PMS1: variants seen among roughly 807,000 people sequenced by gnomAD.
PMS1 encodes PMS1 protein homolog 1.
A neutral mutation model predicts 93.1 loss-of-function variants in PMS1; 79 were observed. The ratio of observed to expected loss-of-function variants is 0.85; its 90% confidence interval spans 0.71 to 1.02. The LOEUF is 1.02. Ranked by LOEUF, PMS1 falls within the 50% of genes least tolerant of loss-of-function variation. The pLI is 0.00. For synonymous variants in PMS1, 335 were observed against 363.4 expected (o/e 0.92, Z 0.89); for missense variants, 1,064 against 1,085.3 (o/e 0.98, Z 0.28).
intron 9 of PMS1, among the ~76,000 whole-genome samples, chr2:189,861,686 G>C (rs535387476): frequency 5.8e-4 from 87 of 150,876 alleles, no homozygotes; most frequent in Non-Finnish European, 8.7e-4. Flanking sequence ...GGAGGCAGAG[G>C]TTGCAGTGAG....
chr2:189,857,410 A>C (rs1484062494), intron 9 of PMS1: 1 of 455,672 alleles, frequency 2.2e-6, no homozygotes, highest in African/African-American at 2.0e-5. Context: ...GAGAAGGTAG[A>C]GCAAAAATGA....
At chr2:189,818,338 A>G (rs2051507322) in intron 5 of PMS1, among the ~76,000 whole-genome samples, 158 bp downstream of exon 5, 2 of 152,176 alleles carry the variant, frequency 1.3e-5, no homozygotes, top group African/African-American at 4.8e-5. Flanking sequence ...TTATTAGGGC[A>G]TGGGGCCTTT....
intron 1 of PMS1, among the ~76,000 whole-genome samples, chr2:189,786,666 C>T (rs5742948): frequency 2.4e-4 from 36 of 152,188 alleles, no homozygotes; most frequent in African/African-American, 5.1e-4. Context: ...TGATAGAATA[C>T]GTAGAGTTGT....
At chr2:189,869,742 A>G (rs2056975379) in intron 11 of PMS1, among the ~76,000 whole-genome samples, 2 of 151,568 alleles carry the variant, frequency 1.3e-5, no homozygotes, top group South Asian at 4.2e-4. Context: ...GCTTGAACCC[A>G]GGAGGTGGAG....
chr2:189,857,615 A>C, intron 9 of PMS1: 1 of 380,024 alleles, frequency 2.6e-6, no homozygotes, highest in African/African-American at 2.2e-5. Context: ...TCTTCTCTCG[A>C]TTCCTCCTTT....
intron 5 of PMS1, among the ~76,000 whole-genome samples, chr2:189,835,119 G>C (rs933057119): frequency 6.6e-6 from 1 of 152,126 alleles, no homozygotes; most frequent in Non-Finnish European, 1.5e-5. Flanking sequence ...CATCTGCCTA[G>C]CTCCTATAAA....
chr2:189,844,482 A>G (rs1204755363), intron 6 of PMS1, among the ~76,000 whole-genome samples: 1 of 151,960 alleles, frequency 6.6e-6, no homozygotes, highest in African/African-American at 2.4e-5. Flanking sequence ...TGTCTCTACT[A>G]AAAATACAAA....
intron 2 of PMS1, among the ~76,000 whole-genome samples, chr2:189,794,749 A>T (rs910881300): frequency 2.0e-5 from 3 of 152,098 alleles, no homozygotes; most frequent in African/African-American, 7.2e-5. Flanking sequence ...TGTTTTTGTT[A>T]TATATGTATA....
chr2:189,839,661 A>G (rs553522427), intron 5 of PMS1, among the ~76,000 whole-genome samples: 1 of 152,192 alleles, frequency 6.6e-6, no homozygotes, highest in Non-Finnish European at 1.5e-5. Flanking sequence ...TTCTTCTATG[A>G]TGCTCCCACT....
At chr2:189,825,810 G>C (rs926744807) in intron 5 of PMS1, among the ~76,000 whole-genome samples, 4 of 152,136 alleles carry the variant, frequency 2.6e-5, no homozygotes, top group Admixed American at 2.0e-4. Flanking sequence ...GAGCATTAAG[G>C]CTTATTGAGA....
chr2:189,806,029 C>A, intron 4 of PMS1: 2 of 969,748 alleles, frequency 2.1e-6, no homozygotes, highest in East Asian at 2.8e-5. Flanking sequence ...TTTACCAGTG[C>A]TGGATTACCA....
In PMS1 at chr2:189,845,592, C is replaced by G. The variant is rs543913031; in HGVS notation, c.699+1512C>G. Among the ~76,000 whole-genome samples the G allele has an allele frequency of 1.6e-4, 25 of 151,804 alleles. No homozygotes were observed. In the East Asian group the frequency reaches 4.8e-3, roughly 29 times the overall value. ...CTTTTTGAAGTCATTGTTCTTAGAC[C>G]CCACTTATTTCTTATTTGGATCATA... On this transcript the variant is annotated intron_variant, in intron 6 of 12. Coordinates refer to ENST00000441310, the MANE Select transcript of PMS1 (RefSeq NM_000534.5).
At chr2:189,818,739 G>A (rs1401312670) in intron 5 of PMS1, among the ~76,000 whole-genome samples, 1 of 152,106 alleles carries the variant, frequency 6.6e-6, no homozygotes, top group Admixed American at 6.6e-5. Flanking sequence ...TGAAATCAGG[G>A]ATTCCCCCAG....
At chr2:189,792,040 C>T (rs2106214019) in intron 2 of PMS1, 99 bp downstream of exon 2, 1 of 1,033,108 alleles carries the variant, frequency 9.7e-7, no homozygotes, top group Non-Finnish European at 1.5e-6. Flanking sequence ...TTTCTTTACA[C>T]CAATAAATTA....
chr2:189,852,592 T>C, intron 6 of PMS1, 63 bp from the exon 7 acceptor site: 3 of 1,440,348 alleles, frequency 2.1e-6, no homozygotes, highest in Non-Finnish European at 2.9e-6. Flanking sequence ...TTCAAAGTGT[T>C]ATATATAGCC....
intron 3 of PMS1, among the ~76,000 whole-genome samples, chr2:189,796,658 A>C (rs2049385161): frequency 6.6e-6 from 1 of 152,182 alleles, no homozygotes; most frequent in South Asian, 2.1e-4. Flanking sequence ...TTCTCTTATA[A>C]TGTCTTCAGG....
At chr2:189,795,730 T>C (rs1329532352) in intron 2 of PMS1, 39 bp from the exon 3 acceptor site, 3 of 1,469,714 alleles carry the variant, frequency 2.0e-6, no homozygotes, top group Non-Finnish European at 2.9e-6. Flanking sequence ...AACAGTTTAA[T>C]ATTTTTACAT....
intron 6 of PMS1, among the ~76,000 whole-genome samples, chr2:189,847,162 A>G (rs1405444547): frequency 4.6e-5 from 7 of 151,824 alleles, no homozygotes; most frequent in African/African-American, 1.7e-4. Flanking sequence ...GTTTTCTTCT[A>G]TTTGAAAGTT....
chr2:189,844,782 C>T (rs1023809458), intron 6 of PMS1, among the ~76,000 whole-genome samples: 4 of 151,120 alleles, frequency 2.6e-5, no homozygotes, highest in Non-Finnish European at 4.4e-5. Flanking sequence ...TCAAACTTTT[C>T]TTCTTACTCC....
Sources: gnomAD v4.1 joint callset for allele counts (sites outside exome capture counted in the v4.1 genomes callset) on GRCh38, gnomAD v4.1.1 for gene constraint, MANE v1.5 for transcripts, NCBI Gene and HGNC (gene_info 2026-07-23, HGNC 2026-07-21) for gene names.